URI1: variants seen among roughly 807,000 people sequenced by gnomAD.
URI1 encodes unconventional prefoldin RPB5 interactor 1.
Under a neutral mutation model 60.2 loss-of-function variants are expected in URI1, and 39 were observed. The observed-to-expected ratio is 0.65, with a 90% CI of 0.50 to 0.85. The LOEUF (loss-of-function observed/expected upper bound fraction) is 0.85, where lower values mean the gene tolerates loss of function less well. Among genes scored for constraint, URI1 ranks in the 40% least tolerant of loss-of-function variants. The pLI is 0.00. For synonymous variants in URI1, 251 were observed against 236.8 expected, an observed-to-expected ratio of 1.06 and a Z score of -0.55; for missense variants, 691 against 665.9, an observed-to-expected ratio of 1.04 and a Z score of -0.42.
At chr19:29,972,635 C>G (rs1242906251) in intron 2 of URI1, among the ~76,000 whole-genome samples, 2 of 152,070 alleles carry the variant, frequency 1.3e-5, no homozygotes, top group Non-Finnish European at 2.9e-5. Flanking sequence ...CGTTTTCATC[C>G]TTTTATTCAC....
At chr19:29,936,466 G>A (rs2054973562) in intron 1 of URI1, among the ~76,000 whole-genome samples, 3 of 152,156 alleles carry the variant, frequency 2.0e-5, no homozygotes, top group Non-Finnish European at 4.4e-5. Context: ...TACCTTACAA[G>A]TTGTTCCTCT....
At chr19:30,012,225 A>G in intron 9 of URI1, 60 bp from the exon 10 acceptor site, 1 of 1,498,690 alleles carries the variant, frequency 6.7e-7, no homozygotes, top group Non-Finnish European at 8.9e-7. Flanking sequence ...ATTTTCAAAA[A>G]GTTGTTCTCA....
At chr19:30,003,924 A>G (rs1384586900) in intron 4 of URI1, among the ~76,000 whole-genome samples, 1 of 152,130 alleles carries the variant, frequency 6.6e-6, no homozygotes, top group African/African-American at 2.4e-5. Flanking sequence ...AAGCAAAAAC[A>G]TTCCATAACC....
chr19:29,955,308 A>G (rs2055231710), intron 1 of URI1, among the ~76,000 whole-genome samples: 1 of 152,010 alleles, frequency 6.6e-6, no homozygotes, highest in Admixed American at 6.6e-5. Flanking sequence ...TGTCTGTGTC[A>G]TCAGATATTC....
chr19:29,972,480 C>T lies in URI1; in HGVS notation c.152+1253C>T, dbSNP rs144618412. On this transcript the variant is annotated intron_variant, in intron 2 of 10. Transcript: ENST00000392271. ...AGAGGAAGTTTATTAACGTGGACTTCTGTCTATTGGTTTTGGTAAGAAGTT... is the reference window on the plus strand; with the variant it reads ...AGAGGAAGTTTATTAACGTGGACTTTTGTCTATTGGTTTTGGTAAGAAGTT... Among the ~76,000 whole-genome samples the T allele has an allele frequency of 1.1e-4, 16 of 152,188 alleles. No individual in the cohort carries two copies. The East Asian group carries it at 3.1e-3, about 29-fold the overall frequency.
chr19:30,004,757 G>A (rs1392596879), intron 4 of URI1, among the ~76,000 whole-genome samples: 1 of 151,958 alleles, frequency 6.6e-6, no homozygotes, highest in African/African-American at 2.4e-5. Flanking sequence ...CCAGTATTGG[G>A]TAGAGAAATG....
At chr19:29,984,539 C>T (rs2055638006) in intron 2 of URI1, among the ~76,000 whole-genome samples, 1 of 152,124 alleles carries the variant, frequency 6.6e-6, no homozygotes, top group South Asian at 2.1e-4. Context: ...TCCAGATAGT[C>T]TTGTATCTTA....
intron 9 of URI1, among the ~76,000 whole-genome samples, chr19:30,011,549 G>A (rs755204402): frequency 2.7e-5 from 4 of 150,302 alleles, no homozygotes; most frequent in South Asian, 2.1e-4. Context: ...AGGTCCCTAC[G>A]TTTCTACCAC....
chr19:29,990,179 A>G (rs534787290), intron 4 of URI1, among the ~76,000 whole-genome samples: 83 of 152,342 alleles, frequency 5.4e-4, no homozygotes, highest in Middle Eastern at 3.4e-3. Flanking sequence ...ACCTTTGTCA[A>G]AATGAATTGG....
chr19:29,970,126 G>GTTTT (rs1423502604), intron 1 of URI1, among the ~76,000 whole-genome samples: 10 of 98,262 alleles, frequency 1.0e-4, no homozygotes, highest in African/African-American at 2.1e-4. Flanking sequence ...AAAATCGTGT[G>GTTTT]TATTTTTTTT....
At chr19:29,956,885 C>CCCAGAGGAACCCT in intron 1 of URI1, 1 of 1,397,062 alleles carries the variant, frequency 7.2e-7, no homozygotes, top group Non-Finnish European at 1.0e-6. Flanking sequence ...GAAGTCCTTC[C>CCCAGAGGAACCCT]GCAGGGTTCC....
chr19:29,994,947 A>AT (rs1283319314), intron 4 of URI1, among the ~76,000 whole-genome samples: 3 of 151,716 alleles, frequency 2.0e-5, no homozygotes, highest in Admixed American at 2.0e-4. Context: ...TGCCCGACTA[A>AT]TTTTTTGTAT....
At chr19:29,946,589 C>G (rs538112219) in intron 1 of URI1, among the ~76,000 whole-genome samples, 4 of 152,228 alleles carry the variant, frequency 2.6e-5, no homozygotes, top group African/African-American at 9.6e-5. Flanking sequence ...GCTTATACTT[C>G]CTGATATAGA....
intron 4 of URI1, among the ~76,000 whole-genome samples, 181 bp from the exon 5 acceptor site, chr19:30,005,180 A>G (rs1041174808): frequency 3.9e-5 from 6 of 152,092 alleles, no homozygotes; most frequent in African/African-American, 1.4e-4. Context: ...TGTGCTATAT[A>G]TATAGCACAA....
At chr19:29,947,543 A>G (rs970828979) in intron 1 of URI1, among the ~76,000 whole-genome samples, 1 of 152,216 alleles carries the variant, frequency 6.6e-6, no homozygotes, top group Non-Finnish European at 1.5e-5. Flanking sequence ...CATATTTGCT[A>G]GCCAATCTAG....
chr19:29,961,879 T>A (rs1273499930), intron 1 of URI1, among the ~76,000 whole-genome samples: 1 of 152,040 alleles, frequency 6.6e-6, no homozygotes, highest in African/African-American at 2.4e-5. Flanking sequence ...GAGTTGGGGT[T>A]TCACCATGTT....
chr19:29,926,194 C>T (rs1168298288), intron 1 of URI1, among the ~76,000 whole-genome samples: 1 of 151,424 alleles, frequency 6.6e-6, no homozygotes, highest in Non-Finnish European at 1.5e-5. Context: ...TTTTGGTGCA[C>T]CCATTACCCG....
chr19:30,001,277 T>G (rs559870064), intron 4 of URI1, among the ~76,000 whole-genome samples: 1 of 152,018 alleles, frequency 6.6e-6, no homozygotes, highest in African/African-American at 2.4e-5. Flanking sequence ...GACTGATAGG[T>G]ATTTTTTGTA....
chr19:29,964,429 CAGT>C (rs994295370), intron 1 of URI1, among the ~76,000 whole-genome samples: 11 of 150,182 alleles, frequency 7.3e-5, no homozygotes, highest in East Asian at 1.9e-4. Context: ...GTCTCACTGA[CAGT>C]GGTGGTTTCT....
Sources: allele counts gnomAD v4.1 joint callset (sites outside exome capture counted in the v4.1 genomes callset), GRCh38; gene constraint gnomAD v4.1.1; transcripts MANE v1.5; gene names NCBI Gene and HGNC (gene_info 2026-07-23, HGNC 2026-07-21).